SETD7: variants seen among roughly 807,000 people sequenced by gnomAD.
SETD7 encodes SET domain containing 7, histone lysine methyltransferase.
Under a neutral mutation model 41.8 loss-of-function variants are expected in SETD7, and 16 were observed. The observed-to-expected ratio is 0.38, with a 90% confidence interval of 0.26 to 0.58. The LOEUF is 0.58. Ranked by LOEUF, SETD7 falls within the 20% of genes least tolerant of loss-of-function variation. SETD7 has a pLI of 0.64. For missense variants in SETD7, 346 were observed against 459.7 expected, an observed-to-expected ratio of 0.75 and a Z score of 2.26; for synonymous variants, 163 against 169.7, an observed-to-expected ratio of 0.96 and a Z score of 0.31.
intron 7 of SETD7, among the ~76,000 whole-genome samples, chr4:139,517,617 T>C (rs1253926242): frequency 2.0e-5 from 3 of 152,148 alleles, no homozygotes; most frequent in Non-Finnish European, 4.4e-5. Flanking sequence ...AAAGCGGCTA[T>C]AAAACAGCAA....
chr4:139,542,125 A>T (rs1401748927), intron 2 of SETD7, among the ~76,000 whole-genome samples: 1 of 152,230 alleles, frequency 6.6e-6, no homozygotes, highest in Non-Finnish European at 1.5e-5. Context: ...TGTAAAGTGA[A>T]ATAAGCCAAG....
At chr4:139,551,700 T>G (rs1277087630) in intron 1 of SETD7, among the ~76,000 whole-genome samples, 1 of 152,062 alleles carries the variant, frequency 6.6e-6, no homozygotes, top group African/African-American at 2.4e-5. Flanking sequence ...CTGTTGGTTT[T>G]GTACACTAGA....
At position 139,520,284 on chromosome 4, in the gene SETD7, T is replaced by C; in HGVS notation, c.755A>G (p.His252Arg). The C allele has an allele frequency of 6.4e-7, 1 of 1,565,562 alleles. No individual in the cohort carries two copies. Among genetic ancestry groups the C allele is most frequent in the East Asian group, 2.3e-5 (1 of 43,800 alleles). ...ACTGTCAGCCCCACTCACCTCTTGG[T>C]GTGTAATTCGAACTCCATTATAAAA... Reference protein sequence around the residue: ...MSFYNGVRITHQEVDSRDWAL... With the variant: ...MSFYNGVRITRQEVDSRDWAL... Residue 252 changes from histidine to arginine, a missense_variant, in exon 6 of 8, where the codon CAC becomes CGC. This residue lies in a region of SETD7 where 266 missense variants were observed against 377.0 expected (regional missense o/e 0.71). Coordinates refer to ENST00000274031, the MANE Select transcript of SETD7 (RefSeq NM_030648.4).
chr4:139,514,469 A>G (rs1267675465), intron 7 of SETD7, among the ~76,000 whole-genome samples: 1 of 96,152 alleles, frequency 1.0e-5, no homozygotes, highest in Non-Finnish European at 2.0e-5. Context: ...CATCATTTTC[A>G]GAGTGTAGAT....
chr4:139,530,353 T>A (rs1437470204), intron 3 of SETD7, among the ~76,000 whole-genome samples: 1 of 78,414 alleles, frequency 1.3e-5, no homozygotes, highest in South Asian at 6.9e-4. Flanking sequence ...TCCCAAATGC[T>A]GCCTTTTTTT....
At chr4:139,533,495 A>T (rs950177343) in intron 2 of SETD7, 129 bp from the exon 3 acceptor site, 1 of 738,926 alleles carries the variant, frequency 1.4e-6, no homozygotes, top group Non-Finnish European at 2.2e-6. Context: ...GCAGCCTCCT[A>T]AATTATCATC....
At chr4:139,493,199 T>C (rs954148727), downstream of SETD7, among the ~76,000 whole-genome samples, 4 of 152,134 alleles carry the variant, frequency 2.6e-5, no homozygotes, top group Admixed American at 6.6e-5. Flanking sequence ...AGACAGCAGA[T>C]AAGTTGAGGA....
At chr4:139,497,701 T>C (rs1193173206) in intron 7 of SETD7, among the ~76,000 whole-genome samples, 1 of 151,664 alleles carries the variant, frequency 6.6e-6, no homozygotes, top group Non-Finnish European at 1.5e-5. Flanking sequence ...GCGATTCTCC[T>C]GCCTCAGCCT....
downstream of SETD7, among the ~76,000 whole-genome samples, chr4:139,501,382 T>G (rs1298310365): frequency 7.4e-6 from 1 of 135,178 alleles, no homozygotes; most frequent in African/African-American, 2.9e-5. Context: ...AGCTAAGCTA[T>G]GAGTACACAG....
downstream of SETD7, among the ~76,000 whole-genome samples, chr4:139,502,957 C>T (rs1219363648): frequency 2.0e-5 from 3 of 151,736 alleles, no homozygotes; most frequent in Non-Finnish European, 2.9e-5. Flanking sequence ...CTGAGGTGGG[C>T]GGATTGCCTG....
At position 139,518,048 on chromosome 4, in the gene SETD7, GAA is replaced by G. The variant is rs1265930694; in HGVS notation, c.763-8_763-7del. 1 of 1,611,096 alleles carries G rather than the reference GAA, an allele frequency of 6.2e-7. No homozygotes were observed. Among genetic ancestry groups the G allele is most frequent in the East Asian group, 2.2e-5 (1 of 44,762 alleles). ...GCCCAGTCCCTGCTGTCAACCTGCA[GAA>G]AACAAGAAAGCGAGCCTTAGAGAGG... On this transcript the variant is annotated splice_polypyrimidine_tract_variant and splice_region_variant and intron_variant, in intron 6 of 7. Transcript: ENST00000274031.
At chr4:139,540,827 TG>T (rs1394849939) in intron 2 of SETD7, among the ~76,000 whole-genome samples, 2 of 152,196 alleles carry the variant, frequency 1.3e-5, no homozygotes, top group Admixed American at 6.5e-5. Context: ...TTGCCGCATG[TG>T]GGAGGTTGGA....
chr4:139,549,947 T>C (rs1158044905), intron 1 of SETD7, among the ~76,000 whole-genome samples: 1 of 152,146 alleles, frequency 6.6e-6, no homozygotes, highest in African/African-American at 2.4e-5. Flanking sequence ...CCAGCTTATT[T>C]TTTTGTATTT....
intron 2 of SETD7, among the ~76,000 whole-genome samples, chr4:139,536,609 G>A (rs527584192): frequency 6.6e-6 from 1 of 152,204 alleles, no homozygotes; most frequent in Non-Finnish European, 1.5e-5. Flanking sequence ...CTACTCAGGA[G>A]GGTGAGGTGC....
chr4:139,508,939 C>A lies in SETD7; in HGVS notation c.*2724G>T, dbSNP rs903038847. Reference sequence around the variant, plus strand: ...TCTCAAGCCTTACTCCGATTCCAACCTGCCACAGAGCCTTACATTTGGGAG... The same window carrying A: ...TCTCAAGCCTTACTCCGATTCCAACATGCCACAGAGCCTTACATTTGGGAG... On this transcript the variant is annotated 3_prime_UTR_variant, in exon 8 of 8. Coordinates refer to ENST00000274031, the MANE Select transcript of SETD7 (RefSeq NM_030648.4). 2.0e-5 allele frequency: 3 copies of A among 152,248 alleles called. No individual in the cohort carries two copies. The highest frequency in any genetic ancestry group is 7.2e-5 in the African/African-American group (3 of 41,442). The allele number at this position is 152,248 out of a possible 1,614,324, so 9.4% of individuals were successfully genotyped here.
intron 7 of SETD7, among the ~76,000 whole-genome samples, chr4:139,499,913 G>C (rs1431542256): frequency 2.0e-5 from 3 of 152,152 alleles, no homozygotes; most frequent in Non-Finnish European, 1.5e-5. Context: ...TAGACAGAGA[G>C]GTTTTGCTAG....
At chr4:139,525,999 A>G (rs1727318456) in intron 4 of SETD7, among the ~76,000 whole-genome samples, 1 of 152,026 alleles carries the variant, frequency 6.6e-6, no homozygotes, top group South Asian at 2.1e-4. Context: ...GTTAATTTGA[A>G]GTGAATGTTT....
chr4:139,525,695 T>C (rs1727307076), intron 4 of SETD7, among the ~76,000 whole-genome samples: 1 of 152,166 alleles, frequency 6.6e-6, no homozygotes, highest in African/African-American at 2.4e-5. Flanking sequence ...GTGTTTTATG[T>C]GAGATATTTG....
At chr4:139,501,069 C>G (rs577744520), downstream of SETD7, among the ~76,000 whole-genome samples, 8 of 152,282 alleles carry the variant, frequency 5.3e-5, no homozygotes, top group Non-Finnish European at 1.0e-4. Context: ...TAGCACCCCT[C>G]TTGGCCCTGC....
Sources: allele counts gnomAD v4.1 joint callset (sites outside exome capture counted in the v4.1 genomes callset), GRCh38; gene constraint gnomAD v4.1.1; regional missense constraint gnomAD v4.1.1; transcripts MANE v1.5; gene names NCBI Gene and HGNC (gene_info 2026-07-23, HGNC 2026-07-21).